Variants in ADCY5 observed in about 807,000 individuals in gnomAD.
ADCY5 encodes adenylate cyclase type 5.
Under a neutral mutation model 119.7 loss-of-function variants are expected in ADCY5, and 30 were observed. The ratio of observed to expected loss-of-function variants is 0.25; its 90% confidence interval spans 0.19 to 0.34. The LOEUF is 0.34. Among genes scored for constraint, ADCY5 ranks in the 10% least tolerant of loss-of-function variants. The pLI is 1.00. For missense variants in ADCY5, 1,324 were observed against 1,775.2 expected, an observed-to-expected ratio of 0.75 and a Z score of 4.57; for synonymous variants, 753 against 762.2, an observed-to-expected ratio of 0.99 and a Z score of 0.20.
At chr3:123,447,026 G>C (rs1189184440) in intron 1 of ADCY5, among the ~76,000 whole-genome samples, 1 of 152,182 alleles carries the variant, frequency 6.6e-6, no homozygotes, top group Non-Finnish European at 1.5e-5. Flanking sequence ...TGGCACTCAC[G>C]AGGGGGTGGC....
At chr3:123,427,287 T>C (rs1945434832) in intron 1 of ADCY5, among the ~76,000 whole-genome samples, 1 of 152,166 alleles carries the variant, frequency 6.6e-6, no homozygotes, top group African/African-American at 2.4e-5. Context: ...GGTGGGACCA[T>C]ATCTATTTAC....
chr3:123,418,734 C>T (rs746885695), intron 1 of ADCY5: 6 of 152,340 alleles, frequency 3.9e-5, no homozygotes, highest in Non-Finnish European at 7.3e-5. Context: ...CAAATTTCAA[C>T]GTGAGTTTCG....
chr3:123,410,584 A>C (rs749732957), intron 1 of ADCY5, among the ~76,000 whole-genome samples: 10 of 152,254 alleles, frequency 6.6e-5, no homozygotes, highest in Non-Finnish European at 1.3e-4. Context: ...CTAACAGGAC[A>C]CATAAAGGAC....
chr3:123,325,531 A>G, intron 7 of ADCY5, 69 bp from the exon 8 acceptor site: 3 of 1,593,582 alleles, frequency 1.9e-6, no homozygotes, highest in Non-Finnish European at 2.6e-6. Context: ...CCTTCCCCAA[A>G]CATCGTACCT....
chr3:123,315,157 G>A (rs578031980), intron 11 of ADCY5, among the ~76,000 whole-genome samples: 26 of 152,364 alleles, frequency 1.7e-4, no homozygotes, highest in African/African-American at 6.0e-4. Context: ...GGGAGGAAGA[G>A]TGGCCTGACG....
chr3:123,389,410 A>G (rs1348680112), intron 1 of ADCY5, among the ~76,000 whole-genome samples: 1 of 152,138 alleles, frequency 6.6e-6, no homozygotes, highest in African/African-American at 2.4e-5. Flanking sequence ...TAGGATTTGT[A>G]GTCCTGACCA....
Position 123,286,785 on chromosome 3 carries a change from G to A in ADCY5, c.3557C>T (p.Ala1186Val), listed in dbSNP as rs748031112. Residue 1186 changes from alanine (A) to valine (V), a missense_variant, in exon 20 of 21, where the codon GCC (alanine) becomes GTC (valine). Ala to Val is a moderately conservative substitution (Grantham distance 64). Transcript: ENST00000462833. This position sits in a 1 kb window ranked among gnomAD's most constrained non-coding sequence, Gnocchi z 4.2. ...KIGLNIGPVVAGVIGARKPQY... is the reference protein window; with the variant it reads ...KIGLNIGPVVVGVIGARKPQY... ...AGGCTTTCGTGCCCCTATCACCCCG[G>A]CCACCACGGGGCCGATGTTGAGCCC... The A allele has an allele frequency of 6.2e-7, 1 of 1,610,746 alleles. No individual in the cohort carries two copies. Among genetic ancestry groups the A allele is most frequent in the South Asian group, 1.1e-5 (1 of 90,598 alleles).
chr3:123,436,145 C>T (rs1277473235), intron 1 of ADCY5, among the ~76,000 whole-genome samples: 1 of 151,852 alleles, frequency 6.6e-6, no homozygotes, highest in Non-Finnish European at 1.5e-5. Context: ...CCGCCTCAGC[C>T]TCCCAAAGTG....
chr3:123,440,551 T>G (rs1945705359), intron 1 of ADCY5, among the ~76,000 whole-genome samples: 1 of 151,284 alleles, frequency 6.6e-6, no homozygotes, highest in Non-Finnish European at 1.5e-5. Context: ...ATACTCACAG[T>G]TCCAATCTCC....
At chr3:123,298,898 C>T (rs970243638) in intron 15 of ADCY5, among the ~76,000 whole-genome samples, 9 of 130,332 alleles carry the variant, frequency 6.9e-5, no homozygotes, top group South Asian at 5.0e-4. Flanking sequence ...AAGCATATTA[C>T]GAATCAGGCA....
intron 1 of ADCY5, among the ~76,000 whole-genome samples, chr3:123,419,646 A>C (rs1945259501): frequency 6.6e-6 from 1 of 152,094 alleles, no homozygotes; most frequent in Non-Finnish European, 1.5e-5. Flanking sequence ...TGCTTGGGTC[A>C]CCGGGGAAGA....
chr3:123,298,830 CT>C (rs35856404), intron 15 of ADCY5, among the ~76,000 whole-genome samples: 6 of 102,526 alleles, frequency 5.9e-5, no homozygotes, highest in East Asian at 2.7e-4. Context: ...AAAACTGTCA[CT>C]TTTTTTTTTT....
At chr3:123,290,059 G>T in intron 18 of ADCY5, 105 bp from the exon 19 acceptor site, 1 of 1,126,034 alleles carries the variant, frequency 8.9e-7, no homozygotes, top group Non-Finnish European at 1.3e-6. Context: ...GGCCCTTCAT[G>T]TGTCCGCTCT....
chr3:123,423,300 C>G (rs1471868366), intron 1 of ADCY5, among the ~76,000 whole-genome samples: 1 of 152,238 alleles, frequency 6.6e-6, no homozygotes, highest in East Asian at 1.9e-4. Context: ...CTATAAAACC[C>G]ATCCCCGCCC....
intron 11 of ADCY5, among the ~76,000 whole-genome samples, chr3:123,317,513 T>C (rs1043497366): frequency 1.3e-5 from 2 of 151,996 alleles, no homozygotes; most frequent in African/African-American, 4.8e-5. Flanking sequence ...GGCGGGTGGA[T>C]TGCCTGAGCT....
At chr3:123,416,073 A>G in intron 1 of ADCY5, 1 of 1,202,170 alleles carries the variant, frequency 8.3e-7, no homozygotes, top group Non-Finnish European at 1.1e-6. Flanking sequence ...GTCAGGGGTT[A>G]CAGTACAGGC....
Position 123,332,630 on chromosome 3 carries a change from C to T in ADCY5, c.1452G>A (p.Gln484=). The T allele has an allele frequency of 6.2e-7, 1 of 1,613,910 alleles. No homozygotes were observed. Among genetic ancestry groups the T allele is most frequent in the Non-Finnish European group, 8.5e-7 (1 of 1,179,946 alleles). ...TCATGACCAGTTCCTGTGCAGTGCA[C>T]TGGGACGCCAGGCTGGTGAAGCCCT... is the stretch of plus-strand genomic sequence containing the variant. The part of the protein sequence containing the change: ...DIEGFTSLAS[Q]CTAQELVMTL... Residue 484 remains glutamine, a synonymous_variant, in exon 4 of 21, where the codon CAG becomes CAA. Transcript: ENST00000462833.
At position 123,347,969 on chromosome 3, in the gene ADCY5, C is replaced by G. The variant is rs1942636290; in HGVS notation, c.1285-66G>C. ...CCTGCCTGGCAAGTGCTCGCTCCTCCACACCTGTGCCCCTGCCTGAGGGCC... is the reference window on the plus strand; with the variant it reads ...CCTGCCTGGCAAGTGCTCGCTCCTCGACACCTGTGCCCCTGCCTGAGGGCC... On this transcript the variant is annotated intron_variant, in intron 2 of 20. Coordinates refer to ENST00000462833, the MANE Select transcript of ADCY5 (RefSeq NM_183357.3). 1.6e-5 allele frequency: 26 copies of G among 1,599,164 alleles called. 1 individual carries two copies. The South Asian group carries it at 2.8e-4, about 17-fold the overall frequency.
intron 1 of ADCY5, among the ~76,000 whole-genome samples, chr3:123,377,249 G>A (rs886545910): frequency 1.3e-5 from 2 of 152,158 alleles, no homozygotes; most frequent in Non-Finnish European, 2.9e-5. Flanking sequence ...CTCCGGGCTC[G>A]AGTCATCTGG....
Sources: gnomAD v4.1 joint callset for allele counts (sites outside exome capture counted in the v4.1 genomes callset) on GRCh38, gnomAD v4.1.1 for gene constraint, Gnocchi (gnomAD v3.1) non-coding constraint, MANE v1.5 for transcripts, NCBI Gene and HGNC (gene_info 2026-07-23, HGNC 2026-07-21) for gene names.